The following ANK3 variants were observed in gnomAD, a reference collection of about 807,000 sequenced individuals.
ANK3 encodes the protein ankyrin 3, also known as ankyrin-3.
In ANK3, 57 loss-of-function variants were observed where a neutral mutation model predicts 370.9. The ratio of observed to expected loss-of-function variants is 0.15; its 90% CI spans 0.12 to 0.19. The LOEUF (loss-of-function observed/expected upper bound fraction) is 0.19. Ranked by LOEUF, ANK3 falls within the 10% of genes least tolerant of loss-of-function variation. The pLI, the probability that ANK3 is intolerant of heterozygous loss-of-function variation, is 1.00. For synonymous variants in ANK3, 1,929 were observed against 1,946.3 expected (o/e 0.99, Z 0.23); for missense variants, 4,439 against 5,302.1 (o/e 0.84, Z 5.06).
intron 34 of ANK3, 50 bp from the exon 35 acceptor site, chr10:60,082,226 G>A (rs1292406934): frequency 2.0e-6 from 3 of 1,486,048 alleles, no homozygotes; most frequent in East Asian, 2.3e-5. Flanking sequence ...ATAATGGACA[G>A]CAGGGAAAAG....
intron 1 of ANK3, among the ~76,000 whole-genome samples, chr10:60,707,977 T>C (rs1469213245): frequency 6.6e-6 from 1 of 152,112 alleles, no homozygotes; most frequent in Non-Finnish European, 1.5e-5. Flanking sequence ...GCCTCACAAA[T>C]TGAATCCCAG....
At chr10:60,315,926 T>C (rs1246523029) in intron 1 of ANK3, among the ~76,000 whole-genome samples, 2 of 152,324 alleles carry the variant, frequency 1.3e-5, no homozygotes, top group East Asian at 3.9e-4. Context: ...GATGGTTATA[T>C]TTCAGGAGTG....
intron 27 of ANK3, among the ~76,000 whole-genome samples, chr10:60,106,590 A>G (rs2132088135): frequency 6.7e-6 from 1 of 150,274 alleles, no homozygotes; most frequent in East Asian, 2.1e-4. Flanking sequence ...AGTTAAGACA[A>G]TTCCTGTGTT....
At chr10:60,141,095 T>C in intron 23 of ANK3, 1 of 914,244 alleles carries the variant, frequency 1.1e-6, no homozygotes, top group Non-Finnish European at 1.3e-6. Flanking sequence ...GGGCCTGCCC[T>C]TGAGTTGAGG....
intron 8 of ANK3, among the ~76,000 whole-genome samples, chr10:60,233,707 G>C (rs73269492): frequency 0.02 from 3,047 of 152,190 alleles, 94 homozygotes; most frequent in African/African-American, 0.067. Flanking sequence ...AAAATGCTGG[G>C]ATTATAGTTG....
intron 24 of ANK3, among the ~76,000 whole-genome samples, chr10:60,136,990 A>G (rs1219012194): frequency 6.6e-6 from 1 of 152,152 alleles, no homozygotes; most frequent in Non-Finnish European, 1.5e-5. Context: ...TTTACCTAGC[A>G]CAACTCAAAT....
intron 23 of ANK3, among the ~76,000 whole-genome samples, chr10:60,158,968 G>A (rs2095426547): frequency 6.6e-6 from 1 of 151,746 alleles, no homozygotes; most frequent in African/African-American, 2.4e-5. Context: ...GAGCCACCGT[G>A]CCCAGCCAAT....
chr10:60,166,364 T>A (rs2095624181), intron 23 of ANK3, among the ~76,000 whole-genome samples: 1 of 152,148 alleles, frequency 6.6e-6, no homozygotes, highest in Admixed American at 6.5e-5. Context: ...TAGTGACACT[T>A]TTATATTTTA....
chr10:60,449,989 G>GAAAA (rs1555374725), intron 2 of ANK3, among the ~76,000 whole-genome samples: 1 of 151,364 alleles, frequency 6.6e-6, no homozygotes, highest in Non-Finnish European at 1.5e-5. Context: ...AAGAGGAAAA[G>GAAAA]AGAAAAGAGA....
At chr10:60,498,349 C>A (rs1278012153) in intron 2 of ANK3, among the ~76,000 whole-genome samples, 3 of 152,144 alleles carry the variant, frequency 2.0e-5, no homozygotes, top group Non-Finnish European at 2.9e-5. Context: ...AAACTTCAAG[C>A]TTGAAGTTAG....
intron 1 of ANK3, among the ~76,000 whole-genome samples, chr10:60,723,982 G>A (rs1324470359): frequency 6.7e-6 from 1 of 150,128 alleles, no homozygotes; most frequent in Non-Finnish European, 1.5e-5. Context: ...AGGCCGAGGC[G>A]GGCTGATCAC....
intron 2 of ANK3, among the ~76,000 whole-genome samples, chr10:60,517,212 G>A (rs1353280003): frequency 6.6e-6 from 1 of 151,998 alleles, no homozygotes; most frequent in African/African-American, 2.4e-5. Flanking sequence ...CTGCAGACAC[G>A]TGCCACCACA....
At chr10:60,390,211 T>A (rs1367294480), upstream of ANK3, among the ~76,000 whole-genome samples, 1 of 152,194 alleles carries the variant, frequency 6.6e-6, no homozygotes, top group African/African-American at 2.4e-5. Context: ...GTCTCAACAG[T>A]GCATCCTTTA....
At position 60,047,367 on chromosome 10, in the gene ANK3, A is replaced by C. The variant is rs144552837; in HGVS notation, c.13066-4608T>G. 6.0e-3 allele frequency among the ~76,000 whole-genome samples: 921 copies of C among 152,364 alleles called. 9 individuals are homozygous for C. Among genetic ancestry groups the C allele is most frequent in the African/African-American group, 0.021 (872 of 41,588 alleles). The stretch of plus-strand genomic sequence containing the variant: ...TTATTTCTCTTAGAATTTTTGAATA[A>C]AATGGAAGAGTGACAATATGAAATG... On this transcript the variant is annotated intron_variant, in intron 42 of 43. Transcript: ENST00000280772.
chr10:60,099,253 G>T (rs927746264), intron 28 of ANK3, among the ~76,000 whole-genome samples: 1 of 126,810 alleles, frequency 7.9e-6, no homozygotes, highest in African/African-American at 3.7e-5. Context: ...TCACCAGCAG[G>T]GGGGGCATAT....
chr10:60,451,810 C>T (rs948077157), intron 2 of ANK3, among the ~76,000 whole-genome samples: 3 of 152,112 alleles, frequency 2.0e-5, no homozygotes, highest in Non-Finnish European at 4.4e-5. Flanking sequence ...TACCCTTAGG[C>T]CTAGCCTGAG....
intron 23 of ANK3, among the ~76,000 whole-genome samples, chr10:60,154,436 T>G (rs1002946083): frequency 1.3e-5 from 2 of 152,208 alleles, no homozygotes; most frequent in Non-Finnish European, 2.9e-5. Context: ...TCTTCAGATC[T>G]ACCTTCACAT....
chr10:60,657,571 G>C lies in ANK3; in HGVS notation c.58-42347C>G, dbSNP rs188124552. On this transcript the variant is annotated intron_variant, in intron 1 of 43. Coordinates refer to the ANK3 transcript ENST00000373827. The stretch of plus-strand genomic sequence containing the variant: ...TTGATTTTAGTTTTATTTTATTGTG[G>C]CCAGAGTACACATTCTATAAGATCT... 5.6e-3 allele frequency among the ~76,000 whole-genome samples: 859 copies of C among 152,050 alleles called. 9 individuals carry two copies. Among genetic ancestry groups the C allele is most frequent in the African/African-American group, 0.02 (822 of 41,472 alleles).
chr10:60,283,864 A>ATT (rs2098202794), intron 1 of ANK3, among the ~76,000 whole-genome samples: 1 of 152,160 alleles, frequency 6.6e-6, no homozygotes. Context: ...TATTAACTTA[A>ATT]TTATATTATT....
Sources: allele counts gnomAD v4.1 joint callset (sites outside exome capture counted in the v4.1 genomes callset), GRCh38; gene constraint gnomAD v4.1.1; transcripts MANE v1.5; gene names NCBI Gene and HGNC (gene_info 2026-07-23, HGNC 2026-07-21).